FAM117A: variants seen among roughly 807,000 people sequenced by gnomAD.
FAM117A encodes family with sequence similarity 117 member A, also known as protein FAM117A.
A neutral mutation model predicts 44.1 loss-of-function variants in FAM117A; 21 were observed. That is an observed-to-expected ratio of 0.48 (90% CI 0.34 to 0.69). The LOEUF (loss-of-function observed/expected upper bound fraction) is 0.69, where lower values mean the gene tolerates loss of function less well. Ranked by LOEUF, FAM117A falls within the 30% of genes least tolerant of loss-of-function variation. The pLI, the probability that FAM117A is intolerant of heterozygous loss-of-function variation, is 0.01. For synonymous variants in FAM117A, 220 were observed against 238.3 expected (o/e 0.92, Z 0.71); for missense variants, 498 against 589.9 (o/e 0.84, Z 1.61).
At chr17:49,759,520 T>A (rs1411845514) in intron 1 of FAM117A, among the ~76,000 whole-genome samples, 3 of 152,044 alleles carry the variant, frequency 2.0e-5, no homozygotes, top group Non-Finnish European at 4.4e-5. Flanking sequence ...TCTTAAAGGG[T>A]TTTAACTGCA....
At chr17:49,786,785 A>C (rs1268249961) in intron 1 of FAM117A, among the ~76,000 whole-genome samples, 2 of 151,652 alleles carry the variant, frequency 1.3e-5, no homozygotes, top group Admixed American at 1.3e-4. Flanking sequence ...TCAGAAAAAA[A>C]AAAAAAAAAA....
Position 49,732,313 on chromosome 17 carries a change from G to A in FAM117A, c.366+238C>T, listed in dbSNP as rs888068891. ...CCAGCCACTTGGGAGGATGAGGCAC[G>A]AGAATCACTTGAACCCGGGAGGCAG... On this transcript the variant is annotated intron_variant, in intron 2 of 7. Transcript: ENST00000240364. 6.8e-5 allele frequency: 23 copies of A among 339,936 alleles called. 1 individual carries two copies. Among genetic ancestry groups the A allele is most frequent in the East Asian group, 6.4e-4 (12 of 18,744 alleles). The allele number at this position is 339,936 out of a possible 1,614,324, so 21.1% of individuals were successfully genotyped here.
At chr17:49,789,092 C>G (rs552105885), upstream of FAM117A, 3 of 391,538 alleles carry the variant, frequency 7.7e-6, no homozygotes, top group East Asian at 1.1e-4. Flanking sequence ...ATTAATTGGT[C>G]GCTGAAACGT....
chr17:49,713,948 C>T (rs866876426), intron 7 of FAM117A, among the ~76,000 whole-genome samples: 17 of 152,096 alleles, frequency 1.1e-4, no homozygotes, highest in Middle Eastern at 3.2e-3. Flanking sequence ...GAAGGCCTGG[C>T]GTCCTAGAGA....
At chr17:49,771,105 G>T (rs2073759797) in intron 1 of FAM117A, among the ~76,000 whole-genome samples, 1 of 152,092 alleles carries the variant, frequency 6.6e-6, no homozygotes. Flanking sequence ...CTACTAGGGG[G>T]CTGAGGCAGA....
chr17:49,726,096 A>T (rs2073558147), intron 2 of FAM117A, among the ~76,000 whole-genome samples: 6 of 152,246 alleles, frequency 3.9e-5, no homozygotes, highest in African/African-American at 1.4e-4. Context: ...AGAACTGTGA[A>T]ATAATACATT....
intron 1 of FAM117A, among the ~76,000 whole-genome samples, chr17:49,772,191 G>A (rs906219905): frequency 6.6e-6 from 1 of 152,040 alleles, no homozygotes; most frequent in Non-Finnish European, 1.5e-5. Context: ...TATTTGGGAG[G>A]CTGAGGTGGG....
intron 1 of FAM117A, among the ~76,000 whole-genome samples, chr17:49,751,801 C>T (rs928491653): frequency 3.8e-4 from 55 of 145,820 alleles, no homozygotes; most frequent in African/African-American, 1.1e-3. Flanking sequence ...AAAAATTAGC[C>T]GGCATGGTGG....
At chr17:49,765,714 AAGAC>A, upstream of FAM117A, 1 of 152,352 alleles carries the variant, frequency 6.6e-6, no homozygotes, top group Non-Finnish European at 1.5e-5. Context: ...AATCTAATCA[AAGAC>A]AGAGAAGAAT....
rs115710595 is a variant in FAM117A, at chr17:49,722,560, C to G, written c.401G>C (p.Arg134Pro). The change falls in exon 3 of 8, where the codon CGT becomes CCT. Residue 134 changes from arginine to proline, a missense_variant. Transcript: ENST00000240364. ...PLSWQELEGE[R>P]ASSCAHKRSA... ...GCGCTTGTGTGCACAGGAACTGGCA[C>G]GCTCACCTTCTAGCTCTTGCCAGGA... 5.0e-4 allele frequency: 812 copies of G among 1,613,996 alleles called. 9 individuals carry two copies. In the Admixed American group the frequency reaches 0.013, roughly 26 times the overall value.
rs2073734395 is a variant in FAM117A, at chr17:49,763,990, G to A, written c.98C>T (p.Pro33Leu). ...CAGCCCAGCCCGGGGGGAGCCGGCG[G>A]GGGCTGGGGGAGAGCAGCCCCGCCG... ...GLRRGCSPPA[P>L]AGSPRAGLQP... is the part of the protein sequence containing the mutation. The change falls in exon 1 of 8, where the codon CCC (proline) becomes CTC (leucine). Residue 33 changes from proline (P) to leucine (L), a missense_variant. Physicochemically the swap from Pro to Leu is moderately conservative, Grantham distance 98. This residue lies in a region of FAM117A where 270 missense variants were observed against 277.4 expected (regional missense o/e 0.97). Coordinates refer to ENST00000240364, the MANE Select transcript of FAM117A (RefSeq NM_030802.4). 1.6e-6 allele frequency: 2 copies of A among 1,221,754 alleles called. No homozygotes were observed. The highest frequency in any genetic ancestry group is 3.1e-5 in the African/African-American group (2 of 63,740). The allele number at this position is 1,221,754 out of a possible 1,614,324, so 75.7% of individuals were successfully genotyped here.
rs902785313 is a variant in FAM117A, at chr17:49,764,006, A to G, written c.82T>C (p.Cys28Arg). Residue 28 changes from cysteine to arginine, a missense_variant, in exon 1 of 8, where the codon TGC (cysteine) becomes CGC (arginine). Cys to Arg is a radical substitution (Grantham distance 180). Around this residue, in one of 3 missense-constraint regions of FAM117A, gnomAD observed 270 missense variants for 277.4 expected, o/e 0.97. Transcript: ENST00000240364. ...GAGCCGGCGGGGGCTGGGGGAGAGC[A>G]GCCCCGCCGGAGCCCCCCGGCCCCT... is the stretch of plus-strand genomic sequence containing the variant. ...RGGAGGLRRGCSPPAPAGSPR... is the reference protein window; with the variant it reads ...RGGAGGLRRGRSPPAPAGSPR... The G allele has an allele frequency of 1.7e-6, 2 of 1,205,042 alleles. No homozygotes were observed. The highest frequency in any genetic ancestry group is 2.1e-6 in the Non-Finnish European group (2 of 966,696). 74.6% of individuals were successfully genotyped at this position (1,205,042 alleles called of 1,614,324 possible).
In FAM117A at chr17:49,720,374, C is replaced by A; in HGVS notation, c.525G>T (p.Glu175Asp). 6.2e-7 allele frequency: 1 copy of A among 1,613,956 alleles called. No individual in the cohort carries two copies. Among genetic ancestry groups the A allele is most frequent in the Non-Finnish European group, 8.5e-7 (1 of 1,180,020 alleles). Residue 175 changes from glutamate (E) to aspartate (D), a missense_variant, in exon 4 of 8, where the codon GAG becomes GAT. Glu to Asp is a conservative substitution (Grantham distance 45). This residue lies in a region of FAM117A where 270 missense variants were observed against 277.4 expected (regional missense o/e 0.97). Coordinates refer to ENST00000240364, the MANE Select transcript of FAM117A (RefSeq NM_030802.4). ...GGTCCCCTAGGAGTGGTGAACCTCG[C>A]TCCTTCTCTTTCCCACTGCGGCTCA... ...TKLSRSGKEK[E>D]RGSPLLGDHA...
At chr17:49,726,209 T>C (rs2143719046) in intron 2 of FAM117A, among the ~76,000 whole-genome samples, 1 of 152,268 alleles carries the variant, frequency 6.6e-6, no homozygotes, top group Non-Finnish European at 1.5e-5. Context: ...CATGCTGACA[T>C]CGAGTATTCT....
At chr17:49,745,955 A>G (rs1182131857) in intron 1 of FAM117A, among the ~76,000 whole-genome samples, 3 of 152,238 alleles carry the variant, frequency 2.0e-5, no homozygotes, top group East Asian at 1.9e-4. Flanking sequence ...CAAAGCCACA[A>G]TTACTTTTGT....
chr17:49,732,740 G>A lies in FAM117A; in HGVS notation c.197-20C>T, dbSNP rs527239384. The A allele has an allele frequency of 3.2e-5, 51 of 1,606,784 alleles. No individual in the cohort carries two copies. The highest frequency in any genetic ancestry group is 1.6e-4 in the South Asian group (14 of 89,970). The stretch of plus-strand genomic sequence containing the variant: ...CGCTGGCTGCAAGAGAACACAGCCC[G>A]CACGCCTTGCCATCAGCATGGAGGA... On this transcript the variant is annotated intron_variant, in intron 1 of 7. Coordinates refer to ENST00000240364, the MANE Select transcript of FAM117A (RefSeq NM_030802.4).
chr17:49,717,036 A>T (rs902721044), intron 6 of FAM117A, among the ~76,000 whole-genome samples: 3 of 152,198 alleles, frequency 2.0e-5, no homozygotes, highest in African/African-American at 7.2e-5. Context: ...TCAGAGAAGT[A>T]GCTAGGGCAT....
chr17:49,725,813 A>G (rs887460383), intron 2 of FAM117A, among the ~76,000 whole-genome samples: 4 of 152,242 alleles, frequency 2.6e-5, no homozygotes, highest in African/African-American at 9.6e-5. Context: ...AGATTATCCA[A>G]GATTATCTGG....
At chr17:49,788,894 G>A (rs759034835), upstream of FAM117A, 11 of 1,527,760 alleles carry the variant, frequency 7.2e-6, no homozygotes, top group Non-Finnish European at 9.7e-6. Context: ...AAGGACAGTC[G>A]ATTGAGCACC....
Sources: gnomAD v4.1 joint callset for allele counts (sites outside exome capture counted in the v4.1 genomes callset) on GRCh38, gnomAD v4.1.1 for gene constraint, gnomAD v4.1.1 regional missense constraint, MANE v1.5 for transcripts, NCBI Gene and HGNC (gene_info 2026-07-23, HGNC 2026-07-21) for gene names.